JAG1: variants seen among roughly 807,000 people sequenced by gnomAD.
The protein encoded by JAG1 is jagged canonical Notch ligand 1.
A neutral mutation model predicts 148.7 loss-of-function variants in JAG1; 23 were observed. The observed-to-expected ratio is 0.15, with a 90% CI of 0.11 to 0.22. JAG1 has a LOEUF of 0.22. JAG1 is among the 10% of genes least tolerant of loss of function. JAG1 has a pLI of 1.00. For missense variants in JAG1, 1,054 were observed against 1,611.2 expected (o/e 0.65, Z 5.92); for synonymous variants, 572 against 598.3 (o/e 0.96, Z 0.64).
chr20:10,641,001 CGACAATCT>C, intron 24 of JAG1, 68 bp from the exon 25 acceptor site: 1 of 1,610,684 alleles, frequency 6.2e-7, no homozygotes. Flanking sequence ...CAAAATTACT[CGACAATCT>C]GTGTCTGCAA....
chr20:10,643,750 G>T, intron 20 of JAG1, 28 bp downstream of exon 20: 1 of 1,590,218 alleles, frequency 6.3e-7, no homozygotes, highest in Non-Finnish European at 8.6e-7. Context: ...TAAAGCCATT[G>T]GGAAAACCAG....
At chr20:10,671,483 C>A (rs1260115560) in intron 2 of JAG1, among the ~76,000 whole-genome samples, 1 of 152,166 alleles carries the variant, frequency 6.6e-6, no homozygotes, top group Non-Finnish European at 1.5e-5. Flanking sequence ...CCCCAAGCTT[C>A]ATACACAGAC....
chr20:10,671,434 T>C (rs1162001254), intron 2 of JAG1, among the ~76,000 whole-genome samples: 1 of 152,112 alleles, frequency 6.6e-6, no homozygotes, highest in Non-Finnish European at 1.5e-5. Context: ...GAGGGCACTT[T>C]ATAATGCCAG....
rs955611344 is a variant in JAG1, at chr20:10,651,251, A to G, written c.1120+330T>C. On this transcript the variant is annotated intron_variant, in intron 8 of 25. Transcript: ENST00000254958. ...TGACAGAATCCAGTAGTAAGTGACA[A>G]CCTCCCCTGAAGGCAGCCTCTCCAT... 6.3e-5 allele frequency: 18 copies of G among 285,104 alleles called. No homozygotes were observed. In the East Asian group the frequency reaches 1.3e-3, roughly 21 times the overall value. The allele number at this position is 285,104 out of a possible 1,614,324, so 17.7% of individuals were successfully genotyped here.
chr20:10,648,113 G>A lies in JAG1; in HGVS notation c.1570-3C>T, dbSNP rs1298304802. On this transcript the variant is annotated splice_region_variant and splice_polypyrimidine_tract_variant and intron_variant, in intron 12 of 25. Coordinates refer to ENST00000254958, the MANE Select transcript of JAG1 (RefSeq NM_000214.3). ...GGCTCACAATAATCGATGTCCAGCT[G>A]CAAATATCAGGAACAGCGAAAAGGG... The A allele has an allele frequency of 3.7e-6, 6 of 1,614,074 alleles. No homozygotes were observed. The South Asian group carries it at 6.6e-5, about 18-fold the overall frequency.
chr20:10,669,087 T>C (rs1281074918), intron 2 of JAG1, among the ~76,000 whole-genome samples: 1 of 152,146 alleles, frequency 6.6e-6, no homozygotes, highest in Non-Finnish European at 1.5e-5. Context: ...GAGCAGCTAT[T>C]CTGCAGATAC....
At position 10,649,840 on chromosome 20, in the gene JAG1, C is replaced by T. The variant is rs1308857981; in HGVS notation, c.1235-205G>A. On this transcript the variant is annotated intron_variant, in intron 9 of 25. Coordinates refer to ENST00000254958, the MANE Select transcript of JAG1 (RefSeq NM_000214.3). ...ATCCAATAAGAACCCTAATTGATAA[C>T]TTTCCAGCTGCTAGTTAACCAGCCC... 3 of 615,318 alleles carry T rather than the reference C, an allele frequency of 4.9e-6. 1 individual carries two copies. The South Asian group carries it at 5.9e-5, about 12-fold the overall frequency. The allele number at this position is 615,318 out of a possible 1,614,324, so 38.1% of individuals were successfully genotyped here.
chr20:10,662,976 G>A (rs1176263292), intron 3 of JAG1, among the ~76,000 whole-genome samples: 3 of 152,150 alleles, frequency 2.0e-5, no homozygotes, highest in Non-Finnish European at 2.9e-5. Flanking sequence ...AGCTGCCCAC[G>A]TAGCAGGCAC....
chr20:10,673,210 T>C lies in JAG1; in HGVS notation c.82-204A>G, dbSNP rs1303871396. Among the ~76,000 whole-genome samples, 1 of 149,538 alleles carries C rather than the reference T, an allele frequency of 6.7e-6. No homozygotes were observed. The highest frequency in any genetic ancestry group is 1.5e-5 in the Non-Finnish European group (1 of 67,642). ...ACGAGTGCGGAAGAAATCCGACGACTTCCCGGGGGGCAACAGCGGAGCGAA... is the reference window on the plus strand; with the variant it reads ...ACGAGTGCGGAAGAAATCCGACGACCTCCCGGGGGGCAACAGCGGAGCGAA... On this transcript the variant is annotated intron_variant, in intron 1 of 25. Transcript: ENST00000254958. This position sits in a 1 kb window ranked among gnomAD's most constrained non-coding sequence, Gnocchi z 4.7.
At chr20:10,644,718 T>C in intron 18 of JAG1, 145 bp downstream of exon 18, 1 of 754,044 alleles carries the variant, frequency 1.3e-6, no homozygotes, top group Non-Finnish European at 2.4e-6. Flanking sequence ...GTCAGGGCTG[T>C]ATCCCATCAA....
At position 10,641,699 on chromosome 20, in the gene JAG1, G is replaced by C. The variant is rs1399593212; in HGVS notation, c.2683-6C>G. ...GGTCGAGGGCCACACCAGACCTGGA[G>C]AAAAACAGAAGCTGGCAGCTTAGCA... is the stretch of plus-strand genomic sequence containing the variant. On this transcript the variant is annotated splice_polypyrimidine_tract_variant and splice_region_variant and intron_variant, in intron 22 of 25. Transcript: ENST00000254958. The C allele has an allele frequency of 2.5e-6, 4 of 1,613,664 alleles. No homozygotes were observed. In the South Asian group the frequency reaches 3.3e-5, roughly 13 times the overall value.
intron 19 of JAG1, 116 bp downstream of exon 19, chr20:10,644,241 G>C: frequency 1.0e-6 from 1 of 967,240 alleles, no homozygotes; most frequent in Non-Finnish European, 1.6e-6. Flanking sequence ...TCCTGACTCA[G>C]AACTTGCATT....
In JAG1 at chr20:10,645,386, T is replaced by C. The variant is rs1164827846; in HGVS notation, c.2083A>G (p.Asn695Asp). ...LVNDFYCDCK[N>D]GWKGKTCHSR... ...TGGCAGGTCTTTCCTTTCCACCCAT[T>C]TTTACAGTCACAGTAGAAGTCATTG... The change falls in exon 16 of 26, where the codon AAT (asparagine) becomes GAT (aspartate). Residue 695 changes from asparagine to aspartate, a missense_variant. Physicochemically the swap from Asn to Asp is conservative, Grantham distance 23 (BLOSUM62 1). This residue lies in a region of JAG1 where 342 missense variants were observed against 514.6 expected (regional missense o/e 0.66). Transcript: ENST00000254958. This position sits in a 1 kb window ranked among gnomAD's most constrained non-coding sequence, Gnocchi z 6.1. 6.2e-7 allele frequency: 1 copy of C among 1,612,628 alleles called. No individual in the cohort carries two copies. Among genetic ancestry groups the C allele is most frequent in the South Asian group, 1.1e-5 (1 of 91,050 alleles).
At chr20:10,670,218 T>C (rs1454696037) in intron 2 of JAG1, among the ~76,000 whole-genome samples, 1 of 152,188 alleles carries the variant, frequency 6.6e-6, no homozygotes, top group Non-Finnish European at 1.5e-5. Flanking sequence ...GGGGTCATAA[T>C]TCCAAACAAA....
rs1259778353 is a variant in JAG1, at chr20:10,639,846, T to A, written c.3309A>T (p.Thr1103=). The A allele has an allele frequency of 1.9e-6, 3 of 1,614,188 alleles. No homozygotes were observed. Among genetic ancestry groups the A allele is most frequent in the African/African-American group, 1.3e-5 (1 of 75,058 alleles). ...TGGTGTTGTCCTCAGAGGCTGAGTGTGTGTGGCTGCCCGGCTTCCGCCGCT... is the reference window on the plus strand; with the variant it reads ...TGGTGTTGTCCTCAGAGGCTGAGTGAGTGTGGCTGCCCGGCTTCCGCCGCT... The part of the protein sequence containing the change: ...LRKRRKPGSH[T]HSASEDNTTN... Residue 1103 remains threonine (T), a synonymous_variant, in exon 26 of 26, where the codon ACA becomes ACT. Transcript: ENST00000254958.
chr20:10,672,568 C>T lies in JAG1; in HGVS notation c.387+133G>A, dbSNP rs1049382244. 1.5e-5 allele frequency: 14 copies of T among 914,366 alleles called. No homozygotes were observed. The African/African-American group carries it at 2.3e-4, about 15-fold the overall frequency. The allele number at this position is 914,366 out of a possible 1,614,324, so 56.6% of individuals were successfully genotyped here. ...AGTGTCCCGGCTCCCTCACCCGCCA[C>T]CCCTAGAGATTTCCCCAGTTAGCGC... On this transcript the variant is annotated intron_variant, in intron 2 of 25. Transcript: ENST00000254958.
chr20:10,665,371 A>G (rs2067446729), intron 2 of JAG1, among the ~76,000 whole-genome samples: 1 of 152,220 alleles, frequency 6.6e-6, no homozygotes, highest in Non-Finnish European at 1.5e-5. Context: ...GTTCACTGAT[A>G]ACTGTGGGAA....
intron 5 of JAG1, among the ~76,000 whole-genome samples, chr20:10,654,279 A>T (rs972564689): frequency 1.3e-5 from 2 of 152,186 alleles, no homozygotes; most frequent in African/African-American, 4.8e-5. Flanking sequence ...AAAAGCAACC[A>T]CAAGAGGCCA....
intron 2 of JAG1, among the ~76,000 whole-genome samples, chr20:10,670,596 C>T (rs1303787365): frequency 6.6e-6 from 1 of 152,202 alleles, no homozygotes; most frequent in Non-Finnish European, 1.5e-5. Context: ...GTTTCTCCAA[C>T]CACATACAGA....
Sources: gnomAD v4.1 joint callset for allele counts (sites outside exome capture counted in the v4.1 genomes callset) on GRCh38, gnomAD v4.1.1 for gene constraint, gnomAD v4.1.1 regional missense constraint, Gnocchi (gnomAD v3.1) non-coding constraint, MANE v1.5 for transcripts, NCBI Gene and HGNC (gene_info 2026-07-23, HGNC 2026-07-21) for gene names.